CSMD1: variants seen among roughly 807,000 people sequenced by gnomAD.
The protein encoded by CSMD1 is CUB and sushi domain-containing protein 1.
In CSMD1, 213 loss-of-function variants were observed where a neutral mutation model predicts 417.5. The observed-to-expected ratio is 0.51, with a 90% CI of 0.46 to 0.57. CSMD1 has a LOEUF of 0.57. Ranked by LOEUF, CSMD1 falls within the 20% of genes least tolerant of loss-of-function variation. The pLI is 0.00. For synonymous variants in CSMD1, 2,862 were observed against 1,736.8 expected, an observed-to-expected ratio of 1.65 and a Z score of -16.11; for missense variants, 6,923 against 4,529.7, an observed-to-expected ratio of 1.53 and a Z score of -15.17.
intron 21 of CSMD1, among the ~76,000 whole-genome samples, chr8:3,348,415 A>G (rs1808159739): frequency 6.6e-6 from 1 of 152,186 alleles, no homozygotes; most frequent in African/African-American, 2.4e-5. Context: ...GCAGCATGCT[A>G]TCATACAGAG....
Position 3,019,485 on chromosome 8 carries a change from G to A in CSMD1, c.7856-835C>T, listed in dbSNP as rs193206621. Among the ~76,000 whole-genome samples, 208 of 152,272 alleles carry A rather than the reference G, an allele frequency of 1.4e-3. 2 individuals carry two copies. Among genetic ancestry groups the A allele is most frequent in the Non-Finnish European group, 1.9e-3 (127 of 68,022 alleles). Reference sequence around the variant, plus strand: ...GTGTGGTATTAAAATCTAGGACTTCGGAATGCAATAGCAGTGCTCAGTTTA... The same window carrying A: ...GTGTGGTATTAAAATCTAGGACTTCAGAATGCAATAGCAGTGCTCAGTTTA... On this transcript the variant is annotated intron_variant, in intron 51 of 69. Coordinates refer to ENST00000635120, the MANE Select transcript of CSMD1 (RefSeq NM_033225.6).
chr8:4,954,210 C>T (rs1283450132), intron 1 of CSMD1, among the ~76,000 whole-genome samples: 2 of 152,274 alleles, frequency 1.3e-5, no homozygotes, highest in African/African-American at 2.4e-5. Flanking sequence ...TGTTCCCTAA[C>T]CTCAAGGAGC....
At chr8:4,078,119 A>C (rs1400089206) in intron 3 of CSMD1, among the ~76,000 whole-genome samples, 1 of 152,182 alleles carries the variant, frequency 6.6e-6, no homozygotes, top group Non-Finnish European at 1.5e-5. Flanking sequence ...TTTACATGGA[A>C]AGTGCTATAA....
chr8:3,877,302 G>A (rs1294425858), intron 5 of CSMD1, among the ~76,000 whole-genome samples: 1 of 152,152 alleles, frequency 6.6e-6, no homozygotes, highest in African/African-American at 2.4e-5. Flanking sequence ...ACTTCTGCAT[G>A]CTGGGAGCCC....
In CSMD1 at chr8:4,291,055, G is replaced by A. The variant is rs544468923; in HGVS notation, c.415+128898C>T. 1.8e-4 allele frequency among the ~76,000 whole-genome samples: 28 copies of A among 152,140 alleles called. No homozygotes were observed. In the South Asian group the frequency reaches 5.8e-3, roughly 32 times the overall value. On this transcript the variant is annotated intron_variant, in intron 3 of 69. Coordinates refer to ENST00000635120, the MANE Select transcript of CSMD1 (RefSeq NM_033225.6). ...TTTGTACCCTAGTGTAAAATATTAT[G>A]GGAATAATAATGGAATTTCCTGTTT... is the stretch of plus-strand genomic sequence containing the variant.
At chr8:4,461,488 G>C (rs1480043560) in intron 2 of CSMD1, among the ~76,000 whole-genome samples, 1 of 130,342 alleles carries the variant, frequency 7.7e-6, no homozygotes, top group Non-Finnish European at 1.5e-5. Context: ...TAGAATTTAA[G>C]AACATCTCCA....
chr8:3,251,686 C>G (rs1466049915), intron 26 of CSMD1, among the ~76,000 whole-genome samples: 1 of 152,120 alleles, frequency 6.6e-6, no homozygotes, highest in African/African-American at 2.4e-5. Context: ...TTGATTCTTC[C>G]TACCCATGAG....
intron 2 of CSMD1, among the ~76,000 whole-genome samples, chr8:4,494,087 G>C (rs1801860662): frequency 6.6e-6 from 1 of 152,160 alleles, no homozygotes; most frequent in Admixed American, 6.5e-5. Context: ...ACAACACAAG[G>C]CTTCCAAAGG....
intron 7 of CSMD1, among the ~76,000 whole-genome samples, chr8:3,637,410 T>A (rs564038499): frequency 6.6e-6 from 1 of 152,168 alleles, no homozygotes; most frequent in Admixed American, 6.5e-5. Context: ...TTAACTTAAA[T>A]AAATTAAATA....
chr8:3,752,676 C>CA (rs200769696), intron 6 of CSMD1, among the ~76,000 whole-genome samples: 7,026 of 95,970 alleles, frequency 0.073, 1,083 homozygotes, highest in African/African-American at 0.1. Flanking sequence ...CCCCGCCTGG[C>CA]AAAAAAAAAA....
At chr8:4,597,208 A>T (rs1800332745) in intron 2 of CSMD1, among the ~76,000 whole-genome samples, 1 of 152,176 alleles carries the variant, frequency 6.6e-6, no homozygotes, top group Non-Finnish European at 1.5e-5. Context: ...GAATGAAATA[A>T]TAAAGTGTGT....
intron 28 of CSMD1, among the ~76,000 whole-genome samples, chr8:3,220,318 T>C (rs1798128915): frequency 6.6e-6 from 1 of 152,198 alleles, no homozygotes; most frequent in African/African-American, 2.4e-5. Context: ...TTTTTCTGTT[T>C]CTCTCTGCTC....
chr8:3,401,348 G>T (rs1159713421), intron 15 of CSMD1, among the ~76,000 whole-genome samples: 1 of 151,864 alleles, frequency 6.6e-6, no homozygotes, highest in Non-Finnish European at 1.5e-5. Context: ...TATGTTTCTT[G>T]GAATATGTCT....
At chr8:3,489,253 G>A (rs1052350436) in intron 11 of CSMD1, among the ~76,000 whole-genome samples, 2 of 152,150 alleles carry the variant, frequency 1.3e-5, no homozygotes, top group African/African-American at 4.8e-5. Context: ...CCAGCCCTAA[G>A]AAAGAACCAG....
chr8:4,079,381 T>C (rs891557209), intron 3 of CSMD1, among the ~76,000 whole-genome samples: 2 of 152,170 alleles, frequency 1.3e-5, no homozygotes, highest in East Asian at 1.9e-4. Flanking sequence ...AATCAGGCAT[T>C]CTATTCAGTT....
intron 50 of CSMD1, among the ~76,000 whole-genome samples, chr8:3,048,370 C>T (rs1368479840): frequency 6.6e-6 from 1 of 152,130 alleles, no homozygotes; most frequent in Non-Finnish European, 1.5e-5. Context: ...CATTATGTTA[C>T]TGGCAAAAAA....
At chr8:4,882,469 C>T (rs1050642154) in intron 1 of CSMD1, among the ~76,000 whole-genome samples, 3 of 151,692 alleles carry the variant, frequency 2.0e-5, no homozygotes, top group Non-Finnish European at 4.4e-5. Context: ...GCGAGTTTGG[C>T]GTTTTGTTGC....
At chr8:4,279,478 T>C (rs533967049) in intron 3 of CSMD1, among the ~76,000 whole-genome samples, 7 of 152,316 alleles carry the variant, frequency 4.6e-5, no homozygotes, top group African/African-American at 1.7e-4. Context: ...ATAGCGTTTT[T>C]TCATGAGCAG....
intron 5 of CSMD1, among the ~76,000 whole-genome samples, chr8:3,803,794 C>T (rs1800585262): frequency 1.3e-5 from 2 of 152,172 alleles, no homozygotes; most frequent in South Asian, 4.1e-4. Context: ...AAATATCTTT[C>T]TGCCTACTAT....
Sources: allele counts gnomAD v4.1 joint callset (sites outside exome capture counted in the v4.1 genomes callset), GRCh38; gene constraint gnomAD v4.1.1; transcripts MANE v1.5; gene names NCBI Gene and HGNC (gene_info 2026-07-23, HGNC 2026-07-21).